FAM171A1: variants seen among roughly 807,000 people sequenced by gnomAD.
The protein encoded by FAM171A1 is family with sequence similarity 171 member A1, also known as protein FAM171A1.
In FAM171A1, 23 loss-of-function variants were observed where a neutral mutation model predicts 74.9. The observed-to-expected ratio is 0.31, with a 90% confidence interval of 0.22 to 0.44. The LOEUF (loss-of-function observed/expected upper bound fraction) is 0.44, where lower values mean the gene tolerates loss of function less well. Ranked by LOEUF, FAM171A1 falls within the 20% of genes least tolerant of loss-of-function variation. The pLI, the probability that FAM171A1 is intolerant of heterozygous loss-of-function variation, is 1.00. For missense variants in FAM171A1, 1,162 were observed against 1,159.2 expected, an observed-to-expected ratio of 1.00 and a Z score of -0.03; for synonymous variants, 527 against 505.7, an observed-to-expected ratio of 1.04 and a Z score of -0.57.
intron 1 of FAM171A1, among the ~76,000 whole-genome samples, chr10:15,339,989 T>A (rs1292265880): frequency 6.6e-6 from 1 of 152,086 alleles, no homozygotes; most frequent in Non-Finnish European, 1.5e-5. Flanking sequence ...GAGAACAGCA[T>A]GGGGGAAAAG....
At chr10:15,222,740 C>T (rs968860090) in intron 5 of FAM171A1, among the ~76,000 whole-genome samples, 2 of 152,222 alleles carry the variant, frequency 1.3e-5, no homozygotes, top group Admixed American at 6.5e-5. Context: ...TGGAAAGATG[C>T]CCTTGGTGAT....
At chr10:15,353,314 G>A (rs1298385697) in intron 1 of FAM171A1, among the ~76,000 whole-genome samples, 1 of 152,204 alleles carries the variant, frequency 6.6e-6, no homozygotes, top group Non-Finnish European at 1.5e-5. Context: ...TTTGGAAGCA[G>A]ATATTGACTT....
chr10:15,236,543 C>G (rs1405773996), intron 5 of FAM171A1, among the ~76,000 whole-genome samples: 1 of 152,064 alleles, frequency 6.6e-6, no homozygotes, highest in Non-Finnish European at 1.5e-5. Context: ...AGCCGGCATT[C>G]AAGACCAAGC....
chr10:15,223,099 G>A (rs1310790914), intron 5 of FAM171A1, among the ~76,000 whole-genome samples: 1 of 152,248 alleles, frequency 6.6e-6, no homozygotes, highest in Non-Finnish European at 1.5e-5. Flanking sequence ...CAGCACTTTG[G>A]GAGGTCAAGG....
chr10:15,332,556 G>A (rs1231478334), intron 1 of FAM171A1, among the ~76,000 whole-genome samples: 1 of 152,150 alleles, frequency 6.6e-6, no homozygotes, highest in African/African-American at 2.4e-5. Context: ...ATCAATACAT[G>A]GAAGCAACGA....
intron 1 of FAM171A1, among the ~76,000 whole-genome samples, chr10:15,352,018 T>C (rs1384870177): frequency 2.6e-5 from 4 of 151,356 alleles, no homozygotes; most frequent in Non-Finnish European, 4.4e-5. Context: ...TGAAACCCTG[T>C]CTCTATTAAA....
intron 5 of FAM171A1, 41 bp from the exon 6 acceptor site, chr10:15,221,101 C>T (rs6602828): frequency 0.18 from 277,517 of 1,505,174 alleles, 27,123 homozygotes; most frequent in East Asian, 0.37. Flanking sequence ...AAGCACACCA[C>T]GCTCCTTTGT....
intron 1 of FAM171A1, among the ~76,000 whole-genome samples, chr10:15,317,151 A>C (rs1166363424): frequency 6.6e-6 from 1 of 152,096 alleles, no homozygotes; most frequent in Non-Finnish European, 1.5e-5. Context: ...CAGACAAAGA[A>C]AAGAGATGCA....
At chr10:15,273,250 A>C (rs771771527) in intron 3 of FAM171A1, among the ~76,000 whole-genome samples, 30 of 152,262 alleles carry the variant, frequency 2.0e-4, no homozygotes, top group Non-Finnish European at 3.5e-4. Context: ...ACCATCAGAG[A>C]ATACTATAAA....
At chr10:15,328,556 G>C (rs1835586815) in intron 1 of FAM171A1, among the ~76,000 whole-genome samples, 1 of 152,218 alleles carries the variant, frequency 6.6e-6, no homozygotes, top group South Asian at 2.1e-4. Flanking sequence ...GCAATATGCT[G>C]TTTCGGTAAC....
chr10:15,278,426 C>T (rs191704473), intron 2 of FAM171A1, among the ~76,000 whole-genome samples: 10 of 152,280 alleles, frequency 6.6e-5, no homozygotes, highest in African/African-American at 2.4e-4. Flanking sequence ...CGAAAACCTA[C>T]GTTCATACAG....
At chr10:15,215,796 C>T (rs187785895) in intron 7 of FAM171A1, among the ~76,000 whole-genome samples, 200 bp downstream of exon 7, 27 of 152,170 alleles carry the variant, frequency 1.8e-4, no homozygotes, top group African/African-American at 2.9e-4. Context: ...ATGTTATCCA[C>T]GCAGCATGCT....
chr10:15,223,512 A>T (rs971219839), intron 5 of FAM171A1, among the ~76,000 whole-genome samples: 1 of 152,262 alleles, frequency 6.6e-6, no homozygotes, highest in Non-Finnish European at 1.5e-5. Flanking sequence ...CTGCTCATTC[A>T]TGAATGCACA....
intron 1 of FAM171A1, among the ~76,000 whole-genome samples, chr10:15,354,569 C>T (rs547397303): frequency 2.0e-5 from 3 of 152,248 alleles, no homozygotes; most frequent in African/African-American, 4.8e-5. Context: ...CTCAGGAAGA[C>T]GCCTGGGGAG....
chr10:15,336,492 C>T (rs1311502837), intron 1 of FAM171A1, among the ~76,000 whole-genome samples: 1 of 152,012 alleles, frequency 6.6e-6, no homozygotes, highest in African/African-American at 2.4e-5. Flanking sequence ...TTTCTCGGGG[C>T]TGCAAAAATC....
chr10:15,280,622 G>T (rs1260367879), intron 2 of FAM171A1, among the ~76,000 whole-genome samples: 1 of 152,188 alleles, frequency 6.6e-6, no homozygotes, highest in Non-Finnish European at 1.5e-5. Context: ...AGGAACTATT[G>T]TTAAGGATGA....
chr10:15,292,418 T>C (rs116086025), intron 1 of FAM171A1, among the ~76,000 whole-genome samples: 11,500 of 152,268 alleles, frequency 0.076, 482 homozygotes, highest in Middle Eastern at 0.11. Flanking sequence ...CCCCACTTTT[T>C]TGCTGAAACA....
intron 1 of FAM171A1, among the ~76,000 whole-genome samples, chr10:15,356,835 G>C (rs191672901): frequency 1.3e-5 from 2 of 152,114 alleles, no homozygotes; most frequent in East Asian, 3.9e-4. Flanking sequence ...GCCAGGTGTG[G>C]TGGTGGGTAC....
chr10:15,268,792 A>T (rs1240921671), intron 3 of FAM171A1, among the ~76,000 whole-genome samples: 1 of 152,178 alleles, frequency 6.6e-6, no homozygotes, highest in Non-Finnish European at 1.5e-5. Flanking sequence ...CTGTAATCCC[A>T]ACACTTTGGG....
Sources: allele counts gnomAD v4.1 joint callset (sites outside exome capture counted in the v4.1 genomes callset), GRCh38; gene constraint gnomAD v4.1.1; transcripts MANE v1.5; gene names NCBI Gene and HGNC (gene_info 2026-07-23, HGNC 2026-07-21).